HHAT: variants seen among roughly 807,000 people sequenced by gnomAD.
The protein encoded by HHAT is protein-cysteine N-palmitoyltransferase HHAT.
Under a neutral mutation model 70.8 loss-of-function variants are expected in HHAT, and 47 were observed. The observed-to-expected ratio is 0.66, with a 90% CI of 0.53 to 0.85. HHAT has a LOEUF of 0.85. HHAT is among the 40% of genes least tolerant of loss of function. The probability of loss-of-function intolerance (pLI) is 0.00; values close to 1 mark genes in which losing one functional copy is unlikely to be tolerated. For missense variants in HHAT, 609 were observed against 604.8 expected, an observed-to-expected ratio of 1.01 and a Z score of -0.07; for synonymous variants, 228 against 247.6, an observed-to-expected ratio of 0.92 and a Z score of 0.74.
Position 210,488,093 on chromosome 1 carries a change from A to G in HHAT, c.1007+23438A>G, listed in dbSNP as rs116112825. Among the ~76,000 whole-genome samples, 1,162 of 152,294 alleles carry G rather than the reference A, an allele frequency of 7.6e-3. 19 individuals carry two copies. The highest frequency in any genetic ancestry group is 0.027 in the African/African-American group (1,110 of 41,556). ...TAATCTGTCTTATGTCAATTTGTAG[A>G]CCAAAGATCCTGAAGGGTGGAAGGA... is the stretch of plus-strand genomic sequence containing the variant. On this transcript the variant is annotated intron_variant, in intron 8 of 11. Coordinates refer to ENST00000261458, the MANE Select transcript of HHAT (RefSeq NM_018194.6).
chr1:210,578,450 G>T (rs1164437952), intron 9 of HHAT, among the ~76,000 whole-genome samples: 1 of 152,126 alleles, frequency 6.6e-6, no homozygotes, highest in Non-Finnish European at 1.5e-5. Context: ...GAGCTACTAT[G>T]TGATTCAGTG....
intron 9 of HHAT, among the ~76,000 whole-genome samples, chr1:210,528,249 C>G: frequency 6.6e-6 from 1 of 152,134 alleles, no homozygotes; most frequent in Non-Finnish European, 1.5e-5. Flanking sequence ...AAGGTTCTCC[C>G]AAGATCTTTG....
chr1:210,665,539 C>A (rs1678709830), intron 11 of HHAT, among the ~76,000 whole-genome samples: 1 of 152,172 alleles, frequency 6.6e-6, no homozygotes. Context: ...GATGACTGCA[C>A]AGTGGATGAG....
At chr1:210,622,844 A>G (rs1669111982) in intron 10 of HHAT, among the ~76,000 whole-genome samples, 1 of 152,142 alleles carries the variant, frequency 6.6e-6, no homozygotes, top group Admixed American at 6.5e-5. Flanking sequence ...ACCTAATTCC[A>G]TGGAGCTATA....
intron 7 of HHAT, among the ~76,000 whole-genome samples, chr1:210,438,364 C>G (rs1042714559): frequency 6.6e-6 from 1 of 151,798 alleles, no homozygotes; most frequent in African/African-American, 2.4e-5. Flanking sequence ...TGCACAGTTA[C>G]ATACATATCA....
chr1:210,472,075 A>G (rs560270972), intron 8 of HHAT, among the ~76,000 whole-genome samples: 1 of 152,322 alleles, frequency 6.6e-6, no homozygotes, highest in East Asian at 1.9e-4. Context: ...CTGTAATAAG[A>G]TCAGATAACA....
chr1:210,498,850 A>G (rs1366611429), intron 8 of HHAT, among the ~76,000 whole-genome samples: 1 of 149,944 alleles, frequency 6.7e-6, no homozygotes, highest in Non-Finnish European at 1.5e-5. Flanking sequence ...GCTCACTGCA[A>G]CCTCCATCTC....
At chr1:210,416,966 T>C (rs917371895) in intron 6 of HHAT, among the ~76,000 whole-genome samples, 1 of 152,188 alleles carries the variant, frequency 6.6e-6, no homozygotes, top group African/African-American at 2.4e-5. Flanking sequence ...CACACAGCTG[T>C]GTAGTTTGTG....
chr1:210,617,619 A>G (rs1668007031), intron 10 of HHAT, among the ~76,000 whole-genome samples: 1 of 152,250 alleles, frequency 6.6e-6, no homozygotes, highest in Non-Finnish European at 1.5e-5. Flanking sequence ...TAGTTATTTG[A>G]AAGTACTCTG....
chr1:210,477,166 G>T (rs2094317908), intron 8 of HHAT, among the ~76,000 whole-genome samples: 1 of 152,182 alleles, frequency 6.6e-6, no homozygotes, highest in South Asian at 2.1e-4. Context: ...GAGGGTGCTG[G>T]AGGGCAGCTC....
intron 11 of HHAT, among the ~76,000 whole-genome samples, chr1:210,664,077 C>A (rs1009976585): frequency 2.6e-5 from 4 of 152,212 alleles, no homozygotes; most frequent in African/African-American, 9.7e-5. Context: ...CTGTCCATCT[C>A]CCCCACGTTT....
chr1:210,383,638 T>C (rs12143463), intron 3 of HHAT, among the ~76,000 whole-genome samples: 1 of 152,090 alleles, frequency 6.6e-6, no homozygotes, highest in Admixed American at 6.5e-5. Flanking sequence ...CCATGGACTT[T>C]GGGGTATCAA....
chr1:210,511,332 G>A (rs570603753), intron 8 of HHAT, among the ~76,000 whole-genome samples: 3 of 152,284 alleles, frequency 2.0e-5, no homozygotes, highest in African/African-American at 2.4e-5. Context: ...GGTCAGTGAT[G>A]TAGTAAATGA....
chr1:210,631,625 A>G (rs548196731), intron 11 of HHAT, among the ~76,000 whole-genome samples: 1 of 152,370 alleles, frequency 6.6e-6, no homozygotes, highest in East Asian at 1.9e-4. Flanking sequence ...CACAATTTCA[A>G]AGACCAGGGA....
intron 8 of HHAT, among the ~76,000 whole-genome samples, chr1:210,502,379 G>C (rs1177251175): frequency 3.8e-4 from 6 of 15,714 alleles, no homozygotes; most frequent in Admixed American, 5.2e-4. Context: ...GCAAGACTCA[G>C]TCTCAAAAAA....
rs1434496095 is a variant in HHAT, at chr1:210,334,913, C to G, written c.-44+5809C>G. Among the ~76,000 whole-genome samples, 3 of 152,078 alleles carry G rather than the reference C, an allele frequency of 2.0e-5. No homozygotes were observed. The East Asian group carries it at 5.8e-4, about 29-fold the overall frequency. ...CAAAAACTAGAAAAAATGAGTAGTC[C>G]TATATCTACCAAAAACATTGAATTT... On this transcript the variant is annotated intron_variant, in intron 1 of 11. Coordinates refer to ENST00000261458, the MANE Select transcript of HHAT (RefSeq NM_018194.6).
At chr1:210,343,470 T>C (rs1214935037) in intron 1 of HHAT, among the ~76,000 whole-genome samples, 4 of 152,210 alleles carry the variant, frequency 2.6e-5, no homozygotes, top group Non-Finnish European at 5.9e-5. Context: ...TGCAGTCAGC[T>C]ACAGGCAAGA....
chr1:210,663,112 T>G (rs1005410680), intron 11 of HHAT, among the ~76,000 whole-genome samples: 1 of 152,124 alleles, frequency 6.6e-6, no homozygotes, highest in African/African-American at 2.4e-5. Flanking sequence ...GGGAACATGC[T>G]CTTCAATGCT....
intron 5 of HHAT, among the ~76,000 whole-genome samples, chr1:210,401,266 A>G (rs750322996): frequency 6.6e-5 from 10 of 152,098 alleles, no homozygotes; most frequent in Middle Eastern, 3.2e-3. Flanking sequence ...GGTACCTGCC[A>G]CCATACCCAG....
Sources: allele counts gnomAD v4.1 joint callset (sites outside exome capture counted in the v4.1 genomes callset), GRCh38; gene constraint gnomAD v4.1.1; transcripts MANE v1.5; gene names NCBI Gene and HGNC (gene_info 2026-07-23, HGNC 2026-07-21).